The following MBOAT7 variants were observed in gnomAD, a reference collection of about 807,000 sequenced individuals.
The protein encoded by MBOAT7 is membrane-bound acylglycerophosphatidylinositol O-acyltransferase MBOAT7.
A neutral mutation model predicts 47.4 loss-of-function variants in MBOAT7; 40 were observed. That is an observed-to-expected ratio of 0.84 (90% CI 0.66 to 1.10). The LOEUF is 1.10. Among genes scored for constraint, MBOAT7 ranks in the 50% least tolerant of loss-of-function variants. The pLI, the probability that MBOAT7 is intolerant of heterozygous loss-of-function variation, is 0.00. For synonymous variants in MBOAT7, 361 were observed against 292.0 expected (o/e 1.24, Z -2.41); for missense variants, 680 against 655.6 (o/e 1.04, Z -0.41).
Position 54,173,968 on chromosome 19 carries a change from C to T in MBOAT7, c.*76G>A. 1 of 1,474,038 alleles carries T rather than the reference C, an allele frequency of 6.8e-7. No individual in the cohort carries two copies. Among genetic ancestry groups the T allele is most frequent in the Non-Finnish European group, 9.0e-7 (1 of 1,108,282 alleles). The allele number at this position is 1,474,038 out of a possible 1,614,324, so 91.3% of individuals were successfully genotyped here. On this transcript the variant is annotated 3_prime_UTR_variant, in exon 8 of 8. Transcript: ENST00000245615. ...TCCAGGACCCTCTCCAAGGTAAGGA[C>T]TCTTTCTGGGGAGGAGACAGCAGCC...
At chr19:54,184,151 ATC>A (rs146415810) in intron 4 of MBOAT7, among the ~76,000 whole-genome samples, 8 of 127,808 alleles carry the variant, frequency 6.3e-5, no homozygotes, top group East Asian at 2.5e-4. Context: ...CGATCCTTTA[ATC>A]TCTCTCTCTT....
At chr19:54,185,767 C>G (rs2076412889) in intron 4 of MBOAT7, among the ~76,000 whole-genome samples, 1 of 152,012 alleles carries the variant, frequency 6.6e-6, no homozygotes, top group Non-Finnish European at 1.5e-5. Flanking sequence ...GGGATCTTGG[C>G]TCACTGCAAC....
At chr19:54,177,389 G>T (rs538283340) in intron 7 of MBOAT7, among the ~76,000 whole-genome samples, 1 of 151,506 alleles carries the variant, frequency 6.6e-6, no homozygotes, top group Non-Finnish European at 1.5e-5. Context: ...TCCGTCTCCC[G>T]GGTTCACACC....
chr19:54,184,157 CTCTCTTT>C (rs2076364398), intron 4 of MBOAT7, among the ~76,000 whole-genome samples: 2 of 137,344 alleles, frequency 1.5e-5, no homozygotes, highest in African/African-American at 2.7e-5. Context: ...TTTAATCTCT[CTCTCTTT>C]TTTTTTTTTT....
intron 7 of MBOAT7, among the ~76,000 whole-genome samples, chr19:54,175,100 C>G (rs563771600): frequency 9.9e-5 from 15 of 151,890 alleles, no homozygotes; most frequent in African/African-American, 3.4e-4. Context: ...CTCAGCCTCC[C>G]GAGTAGCTGG....
chr19:54,181,741 G>A (rs1338918508), intron 5 of MBOAT7, among the ~76,000 whole-genome samples: 1 of 30,406 alleles, frequency 3.3e-5, no homozygotes, highest in East Asian at 9.8e-4. Context: ...GAAGGAGGGA[G>A]GGAGGGAAGG....
Position 54,173,616 on chromosome 19 carries a change from T to G in MBOAT7, c.*428A>C. 5.2e-6 allele frequency: 1 copy of G among 191,062 alleles called. No homozygotes were observed. The allele number at this position is 191,062 out of a possible 1,614,324, so 11.8% of individuals were successfully genotyped here. Reference sequence around the variant, plus strand: ...CTTATGCTTCCTTCCAAGTCTGCAATATTGGTGCGATGAGCTAAAAGTGGA... The same window carrying G: ...CTTATGCTTCCTTCCAAGTCTGCAAGATTGGTGCGATGAGCTAAAAGTGGA... On this transcript the variant is annotated 3_prime_UTR_variant, in exon 8 of 8. Coordinates refer to ENST00000245615, the MANE Select transcript of MBOAT7 (RefSeq NM_024298.5).
Position 54,189,429 on chromosome 19 carries a change from C to T in MBOAT7, c.-95G>A. The stretch of plus-strand genomic sequence containing the variant: ...ACGCCTCCCCCGCCCAGCGCGCCCC[C>T]GCGCCGCCTGCTCCTTCTGGGCGCC... On this transcript the variant is annotated 5_prime_UTR_variant, in exon 1 of 8. Transcript: ENST00000245615. 6.5e-6 allele frequency: 1 copy of T among 153,020 alleles called. No individual in the cohort carries two copies. Among genetic ancestry groups the T allele is most frequent in the Non-Finnish European group, 1.5e-5 (1 of 68,548 alleles). The allele number at this position is 153,020 out of a possible 1,614,324, so 9.5% of individuals were successfully genotyped here. A position where few individuals can be genotyped will look rare whatever the true frequency, so the allele number is the denominator to read the frequency against.
In MBOAT7 at chr19:54,183,609, G is replaced by C; in HGVS notation, c.405C>G (p.Ser135Arg). 1 of 1,608,124 alleles carries C rather than the reference G, an allele frequency of 6.2e-7. No homozygotes were observed. Among genetic ancestry groups the C allele is most frequent in the Non-Finnish European group, 8.5e-7 (1 of 1,177,462 alleles). The change falls in exon 5 of 8, where the codon AGC becomes AGG. Residue 135 changes from serine to arginine, a missense_variant. Coordinates refer to ENST00000245615, the MANE Select transcript of MBOAT7 (RefSeq NM_024298.5). ...GCAGCAGCCCCAGGGTGGGCCCCTT[G>C]CTGAAGCCTGAGGCCATTTCCTTCC... is the stretch of plus-strand genomic sequence containing the variant. The part of the protein sequence containing the change: ...AQRKEMASGF[S>R]KGPTLGLLPD...
rs773651355 is a variant in MBOAT7 at position 54,178,779 on chromosome 19, A to G, written c.1017T>C (p.Arg339=). 6.2e-7 allele frequency: 1 copy of G among 1,613,396 alleles called. No homozygotes were observed. Among genetic ancestry groups the G allele is most frequent in the South Asian group, 1.1e-5 (1 of 91,080 alleles). ...AQYIYKSAPA[R]SYVLRSAWTM... ...GGCTCACTCACCGCAGGACATAGGA[A>G]CGGGCAGGTGCGCTCTTGTAGATAT... The change falls in exon 7 of 8, where the codon CGT becomes CGC. Residue 339 remains arginine, a synonymous_variant. Transcript: ENST00000245615.
intron 7 of MBOAT7, among the ~76,000 whole-genome samples, chr19:54,176,960 G>A (rs2076123809): frequency 6.6e-6 from 1 of 151,744 alleles, no homozygotes; most frequent in Non-Finnish European, 1.5e-5. Flanking sequence ...GGTGACTCAC[G>A]CCTGTAATCC....
rs1324432737 is a variant in MBOAT7 at position 54,177,186 on chromosome 19, A to AATAC, written c.1031+1578_1031+1579insGTAT. On this transcript the variant is annotated intron_variant, in intron 7 of 7. Coordinates refer to ENST00000245615, the MANE Select transcript of MBOAT7 (RefSeq NM_024298.5). ...ACTAATACTAATACTAATACTAATA[A>AATAC]TAATATCCTTCTTACTCCCAAAACT... is the stretch of plus-strand genomic sequence containing the variant. Among the ~76,000 whole-genome samples, 391 of 62,058 alleles carry AATAC rather than the reference A, an allele frequency of 6.3e-3. 1 individual carries two copies. The highest frequency in any genetic ancestry group is 0.02 in the African/African-American group (361 of 18,334). The allele number at this position is 62,058 out of a possible 152,430, so 40.7% of individuals were successfully genotyped here. A position where few individuals can be genotyped will look rare whatever the true frequency, so the allele number is the denominator to read the frequency against.
chr19:54,181,264 G>A, intron 5 of MBOAT7, 131 bp from the exon 6 acceptor site: 1 of 1,141,846 alleles, frequency 8.8e-7, no homozygotes, highest in South Asian at 1.7e-5. Context: ...GGGCGCCGGG[G>A]AGACCCCAAG....
chr19:54,186,355 C>T (rs1331769134), intron 4 of MBOAT7, among the ~76,000 whole-genome samples: 1 of 152,192 alleles, frequency 6.6e-6, no homozygotes, highest in African/African-American at 2.4e-5. Context: ...GTCACATTGC[C>T]TCTTCTGGCA....
At chr19:54,178,722 TGTA>T in intron 7 of MBOAT7, 40 bp downstream of exon 7, 1 of 1,602,024 alleles carries the variant, frequency 6.2e-7, no homozygotes. Context: ...TGCTGGGAGA[TGTA>T]GTTCTGCAGT....
In MBOAT7 at chr19:54,180,957, C is replaced by T. The variant is rs759699339; in HGVS notation, c.670G>A (p.Ala224Thr). 24 of 1,578,508 alleles carry T rather than the reference C, an allele frequency of 1.5e-5. No individual in the cohort carries two copies. Among genetic ancestry groups the T allele is most frequent in the Middle Eastern group, 1.7e-4 (1 of 5,902 alleles). ...LEAVREDAFY[A>T]RPLPARLFYM... Reference sequence around the variant, plus strand: ...AAGAGGCGGGCGGGCAGCGGGCGGGCGTAGAAGGCGTCCTCGCGCACGGCC... The same window carrying T: ...AAGAGGCGGGCGGGCAGCGGGCGGGTGTAGAAGGCGTCCTCGCGCACGGCC... The change falls in exon 6 of 8, where the codon GCC becomes ACC. Residue 224 changes from alanine (A) to threonine (T), a missense_variant. Transcript: ENST00000245615. This position sits in a 1 kb window ranked among gnomAD's most constrained non-coding sequence, Gnocchi z 5.2.
At chr19:54,181,473 C>T (rs779611843) in intron 5 of MBOAT7, among the ~76,000 whole-genome samples, 1 of 151,364 alleles carries the variant, frequency 6.6e-6, no homozygotes, top group Non-Finnish European at 1.5e-5. Context: ...CTGGGCAAAA[C>T]GGCAAGACCC....
chr19:54,183,874 T>C (rs957766671), intron 4 of MBOAT7, among the ~76,000 whole-genome samples, 194 bp from the exon 5 acceptor site: 1 of 152,184 alleles, frequency 6.6e-6, no homozygotes, highest in African/African-American at 2.4e-5. Context: ...CCCCTTTCCC[T>C]GTTCTGTGCT....
At chr19:54,176,047 G>C (rs1246562892) in intron 7 of MBOAT7, among the ~76,000 whole-genome samples, 1 of 152,082 alleles carries the variant, frequency 6.6e-6, no homozygotes, top group Non-Finnish European at 1.5e-5. Context: ...AGTAGAGATG[G>C]GGTTTCACCA....
Sources: gnomAD v4.1 joint callset for allele counts (sites outside exome capture counted in the v4.1 genomes callset) on GRCh38, gnomAD v4.1.1 for gene constraint, Gnocchi (gnomAD v3.1) non-coding constraint, MANE v1.5 for transcripts, NCBI Gene and HGNC (gene_info 2026-07-23, HGNC 2026-07-21) for gene names.